The following GNG7 variants were observed in gnomAD, a reference collection of about 807,000 sequenced individuals.
GNG7 encodes the protein guanine nucleotide-binding protein G(I)/G(S)/G(O) subunit gamma-7.
GNG7 carries 1 observed loss-of-function variant against 4.0 expected under a neutral mutation model. The observed-to-expected ratio is 0.25, with a 90% confidence interval of 0.09 to 1.18. GNG7 has a LOEUF of 1.18. Ranked by LOEUF, GNG7 falls within the 50% of genes most tolerant of loss-of-function variation. The pLI is 0.50. For missense variants in GNG7, 86 were observed against 91.9 expected, an observed-to-expected ratio of 0.94 and a Z score of 0.26; for synonymous variants, 34 against 36.9, an observed-to-expected ratio of 0.92 and a Z score of 0.29.
intron 1 of GNG7, among the ~76,000 whole-genome samples, chr19:2,678,251 T>A (rs578101507): frequency 6.6e-6 from 1 of 152,030 alleles, no homozygotes; most frequent in Admixed American, 6.6e-5. Context: ...ACATGCTACA[T>A]TGAGGAAGTA....
chr19:2,533,480 T>A (rs1599376901), intron 3 of GNG7, among the ~76,000 whole-genome samples: 1 of 152,130 alleles, frequency 6.6e-6, no homozygotes, highest in East Asian at 1.9e-4. Context: ...GGTTGAGCTG[T>A]TGGTGTACAC....
chr19:2,594,702 C>A (rs377347528), intron 2 of GNG7, among the ~76,000 whole-genome samples: 20 of 152,194 alleles, frequency 1.3e-4, no homozygotes, highest in African/African-American at 4.8e-4. Flanking sequence ...TTCTGATTTC[C>A]CAACACAGAA....
chr19:2,646,869 C>A (rs775626626), intron 1 of GNG7, among the ~76,000 whole-genome samples: 1 of 152,182 alleles, frequency 6.6e-6, no homozygotes, highest in Non-Finnish European at 1.5e-5. Flanking sequence ...ATCTTTGGAG[C>A]CTCACGATCT....
chr19:2,693,186 G>C (rs769328842), intron 1 of GNG7, among the ~76,000 whole-genome samples: 23 of 152,020 alleles, frequency 1.5e-4, no homozygotes, highest in Non-Finnish European at 2.6e-4. Flanking sequence ...TGGAGGCTGA[G>C]GCAGGAGGAT....
chr19:2,674,563 G>A lies in GNG7; in HGVS notation c.-135+28083C>T, dbSNP rs148966992. Among the ~76,000 whole-genome samples the A allele has an allele frequency of 8.9e-3, 1,357 of 152,218 alleles. 11 individuals carry two copies. The highest frequency in any genetic ancestry group is 0.034 in the Middle Eastern group (10 of 294). ...CGATCCTCCTGCCTCAACCTCCCAA[G>A]TAGCTGGGATTACAGGCGCCCACAA... On this transcript the variant is annotated intron_variant, in intron 1 of 4. Coordinates refer to ENST00000382159, the MANE Select transcript of GNG7 (RefSeq NM_052847.3).
chr19:2,691,221 T>C (rs1457843225), intron 1 of GNG7, among the ~76,000 whole-genome samples: 1 of 152,180 alleles, frequency 6.6e-6, no homozygotes. Flanking sequence ...CTTTGTACTT[T>C]AATGCAATAA....
At chr19:2,669,334 A>G (rs999712907) in intron 1 of GNG7, among the ~76,000 whole-genome samples, 1 of 152,120 alleles carries the variant, frequency 6.6e-6, no homozygotes, top group Non-Finnish European at 1.5e-5. Flanking sequence ...TACTAAAAAT[A>G]CAAAAATTAG....
intron 1 of GNG7, among the ~76,000 whole-genome samples, chr19:2,669,781 G>A (rs1001275245): frequency 1.4e-4 from 21 of 152,084 alleles, no homozygotes; most frequent in African/African-American, 4.8e-4. Context: ...AGGCTGAGGC[G>A]GGAGGATCAC....
At chr19:2,640,855 C>T (rs1264152156) in intron 2 of GNG7, among the ~76,000 whole-genome samples, 1 of 152,186 alleles carries the variant, frequency 6.6e-6, no homozygotes, top group Non-Finnish European at 1.5e-5. Context: ...TCTCACACTC[C>T]TGGGCTCAAG....
chr19:2,669,636 A>G (rs1983399946), intron 1 of GNG7, among the ~76,000 whole-genome samples: 1 of 152,208 alleles, frequency 6.6e-6, no homozygotes, highest in African/African-American at 2.4e-5. Context: ...TCCAACATCA[A>G]CAGCAGAGTT....
At chr19:2,661,341 A>AAAGAAAGAAAGG (rs1568277875) in intron 1 of GNG7, among the ~76,000 whole-genome samples, 47 of 149,086 alleles carry the variant, frequency 3.2e-4, no homozygotes, top group African/African-American at 1.1e-3. Context: ...AGAAAGAAAG[A>AAAGAAAGAAAGG]AAGAAAGAAA....
chr19:2,573,886 C>T (rs1282363994), intron 2 of GNG7, among the ~76,000 whole-genome samples: 2 of 152,160 alleles, frequency 1.3e-5, no homozygotes, highest in Non-Finnish European at 2.9e-5. Context: ...ATTTCCCTCC[C>T]GTGGTCATAT....
rs371595174 is a variant in GNG7, at chr19:2,569,083, GCACA to G, written c.-77-13899_-77-13896del. 5.0e-4 allele frequency among the ~76,000 whole-genome samples: 76 copies of G among 151,274 alleles called. 1 individual carries two copies. The highest frequency in any genetic ancestry group is 3.6e-4 in the African/African-American group (15 of 41,234). ...CACACACATACACACAAGCATGCAA[GCACA>G]CACACACATACACACAAATGCACAC... On this transcript the variant is annotated intron_variant, in intron 2 of 4. Coordinates refer to ENST00000382159, the MANE Select transcript of GNG7 (RefSeq NM_052847.3).
Position 2,580,095 on chromosome 19 carries a change from TCCCAGGGCAGGGGAATGCAGGTGTG to T in GNG7, c.-77-24932_-77-24908del, listed in dbSNP as rs1485118494. Among the ~76,000 whole-genome samples, 5 of 152,006 alleles carry T rather than the reference TCCCAGGGCAGGGGAATGCAGGTGTG, an allele frequency of 3.3e-5. No homozygotes were observed. The East Asian group carries it at 5.8e-4, about 18-fold the overall frequency. ...CCCACTCAATAAACACTGGAGCAACTCCCAGGGCAGGGGAATGCAGGTGTGCCCAGGGGTCAGGGCCCATACACGC... is the reference window on the plus strand; with the variant it reads ...CCCACTCAATAAACACTGGAGCAACTCCCAGGGGTCAGGGCCCATACACGC... On this transcript the variant is annotated intron_variant, in intron 2 of 4. Coordinates refer to ENST00000382159, the MANE Select transcript of GNG7 (RefSeq NM_052847.3).
At chr19:2,632,438 A>C (rs1423890990) in intron 2 of GNG7, 6 of 151,772 alleles carry the variant, frequency 4.0e-5, no homozygotes, top group African/African-American at 1.2e-4. Context: ...TCAAAAAAAA[A>C]AAAAACAAAA....
intron 2 of GNG7, among the ~76,000 whole-genome samples, chr19:2,572,350 G>C (rs893337446): frequency 6.6e-6 from 1 of 152,030 alleles, no homozygotes; most frequent in Admixed American, 6.6e-5. Flanking sequence ...GACGGGTTTC[G>C]CTACGTTGCC....
chr19:2,673,309 A>T (rs1983513299), intron 1 of GNG7, among the ~76,000 whole-genome samples: 1 of 151,546 alleles, frequency 6.6e-6, no homozygotes, highest in South Asian at 2.1e-4. Flanking sequence ...CCAGCAGGTC[A>T]TCAAAACCAA....
chr19:2,598,726 G>A (rs1981110595), intron 2 of GNG7, among the ~76,000 whole-genome samples: 1 of 145,922 alleles, frequency 6.9e-6, no homozygotes, highest in Admixed American at 6.9e-5. Flanking sequence ...TAATAATAAT[G>A]CTACTTGGGC....
chr19:2,528,186 G>T (rs1055820688), intron 3 of GNG7, among the ~76,000 whole-genome samples: 5 of 149,556 alleles, frequency 3.3e-5, no homozygotes, highest in African/African-American at 1.2e-4. Context: ...CACAAGAATC[G>T]CTTGAACCCA....
Sources: allele counts gnomAD v4.1 joint callset (sites outside exome capture counted in the v4.1 genomes callset), GRCh38; gene constraint gnomAD v4.1.1; transcripts MANE v1.5; gene names NCBI Gene and HGNC (gene_info 2026-07-23, HGNC 2026-07-21).